MSRA: variants seen among roughly 807,000 people sequenced by gnomAD.
MSRA encodes methionine sulfoxide reductase A.
Under a neutral mutation model 31.3 loss-of-function variants are expected in MSRA, and 54 were observed. That is an observed-to-expected ratio of 1.73 (90% confidence interval 1.39 to 2.17). The LOEUF is 2.17. Ranked by LOEUF, MSRA falls within the 30% of genes most tolerant of loss-of-function variation. The probability of loss-of-function intolerance (pLI) is 0.00; values close to 1 mark genes in which losing one functional copy is unlikely to be tolerated. For synonymous variants in MSRA, 169 were observed against 116.5 expected (o/e 1.45, Z -2.90); for missense variants, 507 against 300.9 (o/e 1.69, Z -5.07).
chr8:10,342,799 G>C (rs1803513406), intron 5 of MSRA, among the ~76,000 whole-genome samples: 1 of 152,210 alleles, frequency 6.6e-6, no homozygotes, highest in Non-Finnish European at 1.5e-5. Flanking sequence ...GCTTGCCCCT[G>C]CATCCCAGTT....
At chr8:10,095,590 G>C (rs950593959) in intron 1 of MSRA, 1 of 986,428 alleles carries the variant, frequency 1.0e-6, no homozygotes, top group Non-Finnish European at 1.2e-6. Context: ...GAGGCAGAGG[G>C]AGAGCTGAGG....
intron 1 of MSRA, among the ~76,000 whole-genome samples, chr8:10,078,140 C>T (rs814414): frequency 1 from 152,354 of 152,372 alleles, 76,168 homozygotes; most frequent in Non-Finnish European, 1. Flanking sequence ...AAGTACACAG[C>T]AACAGGTGTT....
At chr8:10,058,328 CA>C (rs1448576693) in intron 1 of MSRA, among the ~76,000 whole-genome samples, 24 of 152,082 alleles carry the variant, frequency 1.6e-4, no homozygotes, top group African/African-American at 5.8e-4. Context: ...TACAAATATA[CA>C]AAATAAGTCC....
chr8:10,246,265 T>C (rs1797618367), intron 3 of MSRA, among the ~76,000 whole-genome samples: 1 of 152,234 alleles, frequency 6.6e-6, no homozygotes, highest in Non-Finnish European at 1.5e-5. Flanking sequence ...GAAAAAAATT[T>C]GCTGACCTCT....
intron 1 of MSRA, among the ~76,000 whole-genome samples, chr8:10,171,642 A>G (rs1377582147): frequency 2.0e-5 from 3 of 152,216 alleles, no homozygotes; most frequent in Non-Finnish European, 4.4e-5. Context: ...AACGACTGAT[A>G]CGGACTTACC....
intron 2 of MSRA, among the ~76,000 whole-genome samples, chr8:10,211,665 A>G (rs1018657450): frequency 4.6e-5 from 7 of 152,170 alleles, no homozygotes; most frequent in African/African-American, 9.7e-5. Flanking sequence ...TAGGCAGACA[A>G]ACTGAGGCAC....
intron 1 of MSRA, among the ~76,000 whole-genome samples, chr8:10,186,894 T>C (rs181066033): frequency 1.0e-3 from 152 of 152,332 alleles, no homozygotes; most frequent in Admixed American, 2.0e-3. Context: ...GCTTTGGTTT[T>C]TGTAAAAATA....
At chr8:10,391,414 C>G (rs931835034) in intron 5 of MSRA, among the ~76,000 whole-genome samples, 2 of 152,186 alleles carry the variant, frequency 1.3e-5, no homozygotes, top group East Asian at 1.9e-4. Context: ...TATGAAATGT[C>G]TAGCACACTG....
chr8:10,388,559 G>C (rs1451819852), intron 5 of MSRA, among the ~76,000 whole-genome samples: 1 of 152,128 alleles, frequency 6.6e-6, no homozygotes, highest in Non-Finnish European at 1.5e-5. Flanking sequence ...CAAGATGGGA[G>C]ACATCCGATC....
intron 5 of MSRA, among the ~76,000 whole-genome samples, chr8:10,414,979 C>A (rs973544174): frequency 1.3e-5 from 2 of 152,164 alleles, no homozygotes; most frequent in Admixed American, 6.5e-5. Flanking sequence ...GAGGAAAAGT[C>A]ACTTGAATTA....
chr8:10,163,145 A>T (rs1229820800), intron 1 of MSRA, among the ~76,000 whole-genome samples: 1 of 152,148 alleles, frequency 6.6e-6, no homozygotes, highest in Non-Finnish European at 1.5e-5. Flanking sequence ...GCGGGCTTGT[A>T]CCAGAGCCTG....
At chr8:10,320,709 C>G (rs1479731454) in intron 5 of MSRA, among the ~76,000 whole-genome samples, 1 of 152,116 alleles carries the variant, frequency 6.6e-6, no homozygotes, top group Non-Finnish European at 1.5e-5. Context: ...GCTGGAAGTC[C>G]AAGATCAAGG....
At chr8:10,306,954 A>G (rs1401407829) in intron 4 of MSRA, among the ~76,000 whole-genome samples, 2 of 152,172 alleles carry the variant, frequency 1.3e-5, no homozygotes, top group Non-Finnish European at 2.9e-5. Flanking sequence ...CATAATCCTA[A>G]TTGCATTTAA....
At chr8:10,243,582 G>A (rs1797452612) in intron 2 of MSRA, among the ~76,000 whole-genome samples, 1 of 150,854 alleles carries the variant, frequency 6.6e-6, no homozygotes, top group Non-Finnish European at 1.5e-5. Flanking sequence ...TGAATATTTT[G>A]CTTTTCTTTA....
At chr8:10,379,390 G>T (rs750932414) in intron 5 of MSRA, among the ~76,000 whole-genome samples, 1 of 152,178 alleles carries the variant, frequency 6.6e-6, no homozygotes, top group Non-Finnish European at 1.5e-5. Flanking sequence ...GCCCTCCCCA[G>T]TGTTCTGAAC....
chr8:10,068,843 A>G lies in MSRA; in HGVS notation c.142+14185A>G, dbSNP rs188789522. On this transcript the variant is annotated intron_variant, in intron 1 of 5. Coordinates refer to ENST00000317173, the MANE Select transcript of MSRA (RefSeq NM_012331.5). ...TTGCTGGGATTTTGATTGCAATGATAGGGTTGCACTGAATCTCCAGATCAA... is the reference window on the plus strand; with the variant it reads ...TTGCTGGGATTTTGATTGCAATGATGGGGTTGCACTGAATCTCCAGATCAA... Among the ~76,000 whole-genome samples the G allele has an allele frequency of 7.2e-5, 11 of 152,324 alleles. No homozygotes were observed. The East Asian group carries it at 1.7e-3, about 24-fold the overall frequency.
chr8:10,428,092 C>G, intron 5 of MSRA, 56 bp from the exon 6 acceptor site: 1 of 1,563,374 alleles, frequency 6.4e-7, no homozygotes, highest in Non-Finnish European at 8.6e-7. Context: ...TGCCACCCCT[C>G]GCAGGTGCTG....
At chr8:10,147,319 G>A (rs942716036) in intron 1 of MSRA, among the ~76,000 whole-genome samples, 2 of 152,152 alleles carry the variant, frequency 1.3e-5, no homozygotes, top group Non-Finnish European at 1.5e-5. Context: ...CAAAGGGGCT[G>A]GCCACCGAGC....
chr8:10,225,960 C>T (rs1810964802), intron 2 of MSRA, among the ~76,000 whole-genome samples: 1 of 152,112 alleles, frequency 6.6e-6, no homozygotes, highest in Admixed American at 6.5e-5. Flanking sequence ...GTGTGGCATG[C>T]CATAGGAAAA....
Sources: gnomAD v4.1 joint callset for allele counts (sites outside exome capture counted in the v4.1 genomes callset) on GRCh38, gnomAD v4.1.1 for gene constraint, MANE v1.5 for transcripts, NCBI Gene and HGNC (gene_info 2026-07-23, HGNC 2026-07-21) for gene names.